SMIM10L3: variants seen among roughly 807,000 people sequenced by gnomAD.
SMIM10L3 encodes the protein small integral membrane protein 10 like 3.
chr7:6,345,444 C>T, the SMIM10L3 span, among the ~76,000 whole-genome samples: 2 of 151,984 alleles, frequency 1.3e-5, no homozygotes, highest in African/African-American at 4.8e-5. Flanking sequence ...TAGAAGTTGC[C>T]TCTGATTGCT....
chr7:6,338,290 A>G, the SMIM10L3 span, among the ~76,000 whole-genome samples: 1 of 152,302 alleles, frequency 6.6e-6, no homozygotes, highest in South Asian at 2.1e-4. Flanking sequence ...TGCTAGAGAT[A>G]TATTGTACCA....
the SMIM10L3 span, chr7:6,341,982 G>A: frequency 2.6e-5 from 4 of 151,086 alleles, no homozygotes; most frequent in Non-Finnish European, 4.4e-5. Flanking sequence ...TGGGCGACAA[G>A]AACAAGACTC....
At chr7:6,347,118 G>C in the SMIM10L3 span, among the ~76,000 whole-genome samples, 5 of 152,162 alleles carry the variant, frequency 3.3e-5, no homozygotes, top group South Asian at 4.1e-4. Flanking sequence ...CTTGAGGCCA[G>C]AAGTTCAAGA....
chr7:6,340,675 G>A, the SMIM10L3 span, among the ~76,000 whole-genome samples: 7 of 151,778 alleles, frequency 4.6e-5, no homozygotes, highest in Non-Finnish European at 1.0e-4. Context: ...CGAGGCGGGC[G>A]GATCACGAGG....
At chr7:6,343,397 C>CATATATATATAT in the SMIM10L3 span, among the ~76,000 whole-genome samples, 4 of 86,994 alleles carry the variant, frequency 4.6e-5, no homozygotes, top group Non-Finnish European at 4.6e-5. Flanking sequence ...ATAATAATTT[C>CATATATATATAT]ATATATATAT....
chr7:6,345,036 G>A, the SMIM10L3 span, among the ~76,000 whole-genome samples: 10 of 151,826 alleles, frequency 6.6e-5, no homozygotes, highest in African/African-American at 2.4e-4. Flanking sequence ...ATCCCACCAC[G>A]CCCGGCCACT....
At chr7:6,338,478 T>C in the SMIM10L3 span, among the ~76,000 whole-genome samples, 1 of 151,726 alleles carries the variant, frequency 6.6e-6, no homozygotes, top group Non-Finnish European at 1.5e-5. Context: ...TCAGGAAAAA[T>C]AAAGTGTAGC....
the SMIM10L3 span, chr7:6,331,186 G>A: frequency 1.9e-6 from 3 of 1,587,420 alleles, no homozygotes; most frequent in Non-Finnish European, 2.6e-6. Context: ...TGGGCCTGAG[G>A]TCACGCCTTC....
At chr7:6,333,168 C>CAAAAAAA in the SMIM10L3 span, among the ~76,000 whole-genome samples, 11 of 127,994 alleles carry the variant, frequency 8.6e-5, no homozygotes, top group Non-Finnish European at 1.8e-4. Context: ...ATAAAAAAAT[C>CAAAAAAA]AAAAAAAAAA....
chr7:6,341,010 G>C, the SMIM10L3 span, among the ~76,000 whole-genome samples: 1 of 151,246 alleles, frequency 6.6e-6, no homozygotes, highest in Non-Finnish European at 1.5e-5. Context: ...CAGGTGTGGT[G>C]GTGGGAACCT....
At chr7:6,348,575 G>T in the SMIM10L3 span, 1 of 434,182 alleles carries the variant, frequency 2.3e-6, no homozygotes, top group Non-Finnish European at 4.1e-6. Context: ...TCACCCACCT[G>T]CAGGCGGACG....
At chr7:6,334,671 GC>G in the SMIM10L3 span, among the ~76,000 whole-genome samples, 1 of 152,006 alleles carries the variant, frequency 6.6e-6, no homozygotes, top group Non-Finnish European at 1.5e-5. Context: ...TCCACGAGTT[GC>G]CCAGGCTGGT....
At chr7:6,333,024 G>A in the SMIM10L3 span, among the ~76,000 whole-genome samples, 3 of 151,962 alleles carry the variant, frequency 2.0e-5, no homozygotes, top group East Asian at 1.9e-4. Context: ...AGACGTGCTG[G>A]CGGGTGCCTG....
chr7:6,346,493 A>T, the SMIM10L3 span, among the ~76,000 whole-genome samples: 1 of 152,096 alleles, frequency 6.6e-6, no homozygotes, highest in Non-Finnish European at 1.5e-5. Context: ...CAGCCCCACA[A>T]GCAGCTGGGA....
At chr7:6,344,603 G>A in the SMIM10L3 span, among the ~76,000 whole-genome samples, 1 of 151,990 alleles carries the variant, frequency 6.6e-6, no homozygotes, top group Non-Finnish European at 1.5e-5. Context: ...ATTTTTTGTA[G>A]AGACGGAGTT....
chr7:6,341,494 C>T, the SMIM10L3 span, among the ~76,000 whole-genome samples: 1 of 148,100 alleles, frequency 6.8e-6, no homozygotes, highest in African/African-American at 2.5e-5. Context: ...GTCATCCTGG[C>T]TAACGTGGTG....
At chr7:6,348,830 G>T in the SMIM10L3 span, 1 of 394,170 alleles carries the variant, frequency 2.5e-6, no homozygotes, top group Non-Finnish European at 4.5e-6. Context: ...GCTGACCCTC[G>T]CCTGGCGTGC....
chr7:6,340,252 T>C, the SMIM10L3 span, among the ~76,000 whole-genome samples: 2 of 152,140 alleles, frequency 1.3e-5, no homozygotes, highest in Non-Finnish European at 2.9e-5. Flanking sequence ...TACTCTTCTC[T>C]GACTAGCATC....
At chr7:6,344,120 C>T in the SMIM10L3 span, among the ~76,000 whole-genome samples, 3 of 146,892 alleles carry the variant, frequency 2.0e-5, no homozygotes, top group South Asian at 2.2e-4. Flanking sequence ...TGGCCTCAAG[C>T]GAGGGTAAAG....
Sources: gnomAD v4.1 joint callset for allele counts (sites outside exome capture counted in the v4.1 genomes callset) on GRCh38, gnomAD v4.1.1 for gene constraint, MANE v1.5 for transcripts, NCBI Gene and HGNC (gene_info 2026-07-23, HGNC 2026-07-21) for gene names.